Variants in CMIP observed in about 807,000 individuals in gnomAD.
CMIP encodes the protein C-Maf-inducing protein.
Under a neutral mutation model 97.3 loss-of-function variants are expected in CMIP, and 13 were observed. The ratio of observed to expected loss-of-function variants is 0.13; its 90% CI spans 0.09 to 0.21. The LOEUF is 0.21. Among genes scored for constraint, CMIP ranks in the 10% least tolerant of loss-of-function variants. The pLI is 1.00. For missense variants in CMIP, 847 were observed against 1,024.9 expected (o/e 0.83, Z 2.37); for synonymous variants, 538 against 436.3 (o/e 1.23, Z -2.91).
At chr16:81,702,748 C>G in intron 17 of CMIP, 79 bp downstream of exon 17, 1 of 1,320,492 alleles carries the variant, frequency 7.6e-7, no homozygotes. Flanking sequence ...CAGGTGGTGT[C>G]TGCTGCTGAG....
intron 1 of CMIP, among the ~76,000 whole-genome samples, chr16:81,496,549 C>A (rs1292842312): frequency 6.6e-6 from 1 of 152,202 alleles, no homozygotes; most frequent in African/African-American, 2.4e-5. Flanking sequence ...AGTGATAAAA[C>A]CCTTTGAATG....
intron 1 of CMIP, among the ~76,000 whole-genome samples, chr16:81,568,664 A>G (rs1282363687): frequency 6.6e-6 from 1 of 152,200 alleles, no homozygotes; most frequent in Non-Finnish European, 1.5e-5. Context: ...AATCAGCCTA[A>G]CAGATCAGCA....
chr16:81,573,574 A>G (rs573420019), intron 1 of CMIP, among the ~76,000 whole-genome samples: 1 of 152,292 alleles, frequency 6.6e-6, no homozygotes, highest in South Asian at 2.1e-4. Flanking sequence ...GTGTTGTTTT[A>G]AAAATAAGTA....
intron 1 of CMIP, among the ~76,000 whole-genome samples, chr16:81,597,231 C>T (rs187655054): frequency 2.0e-5 from 3 of 152,176 alleles, no homozygotes; most frequent in African/African-American, 7.2e-5. Context: ...CACAGTTTAA[C>T]TCCCTCCAGC....
chr16:81,685,476 C>A (rs1029369688), intron 10 of CMIP, among the ~76,000 whole-genome samples: 3 of 152,130 alleles, frequency 2.0e-5, no homozygotes. Flanking sequence ...TTTCAAATCT[C>A]CTTAGAGTTC....
chr16:81,623,594 CA>C lies in CMIP; in HGVS notation c.477+2670del, dbSNP rs557116259. Among the ~76,000 whole-genome samples, 76 of 152,292 alleles carry C rather than the reference CA, an allele frequency of 5.0e-4. 1 individual carries two copies. In the East Asian group the frequency reaches 0.014, roughly 28 times the overall value. On this transcript the variant is annotated intron_variant, in intron 3 of 20. Transcript: ENST00000537098. Reference sequence around the variant, plus strand: ...GGTGGCAGTGATATTTCAGTGTTGGCAACTTGATCTCAATTCCTGTGGCTCT... The same window carrying C: ...GGTGGCAGTGATATTTCAGTGTTGGCACTTGATCTCAATTCCTGTGGCTCT...
chr16:81,691,738 C>T (rs1205285322), intron 10 of CMIP, 37 bp from the exon 11 acceptor site: 18 of 1,593,396 alleles, frequency 1.1e-5, no homozygotes, highest in Non-Finnish European at 1.5e-5. Context: ...CCTTCCTTGT[C>T]CCAACCAAAG....
At chr16:81,506,852 C>T (rs2089718133) in intron 1 of CMIP, among the ~76,000 whole-genome samples, 1 of 148,276 alleles carries the variant, frequency 6.7e-6, no homozygotes, top group Admixed American at 6.9e-5. Context: ...TGGCAGTGAG[C>T]TGAGATCACG....
rs80293608 is a variant in CMIP at position 81,483,453 on chromosome 16, G to A, written c.300+37912G>A. On this transcript the variant is annotated intron_variant, in intron 1 of 20. Coordinates refer to ENST00000537098, the MANE Select transcript of CMIP (RefSeq NM_198390.3). ...TGGTGTAGGGCCTTGTAAGAACTTT[G>A]GCCGTTAACTCTGAGGGAGAGGAGA... Among the ~76,000 whole-genome samples the A allele has an allele frequency of 8.4e-3, 1,286 of 152,290 alleles. 21 individuals are homozygous for A. The highest frequency in any genetic ancestry group is 0.029 in the African/African-American group (1,223 of 41,558).
At chr16:81,641,743 G>A (rs1311131461) in intron 3 of CMIP, among the ~76,000 whole-genome samples, 1 of 152,190 alleles carries the variant, frequency 6.6e-6, no homozygotes, top group Non-Finnish European at 1.5e-5. Flanking sequence ...TTTCAGGCAG[G>A]TGTCCACTGG....
chr16:81,633,065 A>G (rs996062280), intron 3 of CMIP, among the ~76,000 whole-genome samples: 2 of 152,254 alleles, frequency 1.3e-5, no homozygotes, highest in Non-Finnish European at 2.9e-5. Flanking sequence ...ATGGAGCCAT[A>G]CAAGGAAGTT....
intron 13 of CMIP, among the ~76,000 whole-genome samples, chr16:81,694,117 C>G (rs1040150437): frequency 1.3e-5 from 2 of 152,230 alleles, no homozygotes; most frequent in South Asian, 2.1e-4. Context: ...TTTCTCATGC[C>G]TCACAGCATC....
chr16:81,486,570 C>T (rs932806944), intron 1 of CMIP, among the ~76,000 whole-genome samples: 5 of 152,196 alleles, frequency 3.3e-5, no homozygotes, highest in African/African-American at 9.7e-5. Flanking sequence ...CCAAGCAGAC[C>T]GCCGAGTCCC....
chr16:81,517,688 A>G (rs1009674538), intron 1 of CMIP: 2 of 152,284 alleles, frequency 1.3e-5, no homozygotes, highest in Admixed American at 1.3e-4. Flanking sequence ...CCCACATTTT[A>G]GCCAGTGTGT....
chr16:81,481,027 G>A (rs945976856), intron 1 of CMIP, among the ~76,000 whole-genome samples: 1 of 152,196 alleles, frequency 6.6e-6, no homozygotes, highest in Non-Finnish European at 1.5e-5. Flanking sequence ...CCATTGAATG[G>A]AGCTGGAGAA....
intron 2 of CMIP, 82 bp downstream of exon 2, chr16:81,607,774 C>A: frequency 7.0e-7 from 1 of 1,436,088 alleles, no homozygotes; most frequent in Non-Finnish European, 9.6e-7. Context: ...TGGAGGGAGC[C>A]AGCAGCTATC....
intron 1 of CMIP, among the ~76,000 whole-genome samples, chr16:81,530,421 C>T (rs1274462132): frequency 2.0e-5 from 3 of 152,190 alleles, no homozygotes; most frequent in Middle Eastern, 3.4e-3. Flanking sequence ...GTGAGTATCA[C>T]TGTAACCTGT....
intron 1 of CMIP, among the ~76,000 whole-genome samples, chr16:81,510,399 A>G (rs2089788696): frequency 6.6e-6 from 1 of 152,236 alleles, no homozygotes; most frequent in South Asian, 2.1e-4. Context: ...ACCACCTAAC[A>G]TTATTATGTG....
chr16:81,461,164 T>G (rs1906876055), intron 1 of CMIP, among the ~76,000 whole-genome samples: 1 of 152,174 alleles, frequency 6.6e-6, no homozygotes, highest in Admixed American at 6.5e-5. Flanking sequence ...GGGCAGTGGA[T>G]CTGATGTTTT....
Sources: allele counts gnomAD v4.1 joint callset (sites outside exome capture counted in the v4.1 genomes callset), GRCh38; gene constraint gnomAD v4.1.1; transcripts MANE v1.5; gene names NCBI Gene and HGNC (gene_info 2026-07-23, HGNC 2026-07-21).